Variants in SLC13A3 observed in about 807,000 individuals in gnomAD.
SLC13A3 encodes the protein Na(+)/dicarboxylate cotransporter 3.
SLC13A3 carries 40 observed loss-of-function variants against 59.0 expected under a neutral mutation model. That is an observed-to-expected ratio of 0.68 (90% confidence interval 0.53 to 0.88). The LOEUF is 0.88. Among genes scored for constraint, SLC13A3 ranks in the 40% least tolerant of loss-of-function variants. The pLI, the probability that SLC13A3 is intolerant of heterozygous loss-of-function variation, is 0.00. For synonymous variants in SLC13A3, 317 were observed against 330.3 expected, an observed-to-expected ratio of 0.96 and a Z score of 0.44; for missense variants, 699 against 783.2, an observed-to-expected ratio of 0.89 and a Z score of 1.28.
upstream of SLC13A3, among the ~76,000 whole-genome samples, chr20:46,670,923 C>A (rs1347626368): frequency 6.6e-6 from 1 of 152,064 alleles, no homozygotes; most frequent in Admixed American, 6.5e-5. Flanking sequence ...ACTTTATTTA[C>A]AAGGCAGCAG....
intron 1 of SLC13A3, among the ~76,000 whole-genome samples, chr20:46,647,440 A>T (rs753460970): frequency 2.8e-4 from 42 of 152,174 alleles, no homozygotes; most frequent in Non-Finnish European, 5.4e-4. Context: ...ATCTGTGCCC[A>T]CTAGCTAAGA....
intron 3 of SLC13A3, among the ~76,000 whole-genome samples, 187 bp from the exon 4 acceptor site, chr20:46,600,224 G>T (rs1046807540): frequency 7.1e-6 from 1 of 141,298 alleles, no homozygotes; most frequent in Non-Finnish European, 1.6e-5. Context: ...GGGAGAGAGG[G>T]GGAGGGAGGG....
At chr20:46,640,751 G>A (rs961551604) in intron 1 of SLC13A3, among the ~76,000 whole-genome samples, 1 of 152,168 alleles carries the variant, frequency 6.6e-6, no homozygotes, top group African/African-American at 2.4e-5. Context: ...ACACGTGTCT[G>A]ACTTGTTCCA....
At chr20:46,605,742 A>T (rs561341787) in intron 3 of SLC13A3, among the ~76,000 whole-genome samples, 1 of 152,240 alleles carries the variant, frequency 6.6e-6, no homozygotes, top group South Asian at 2.1e-4. Context: ...CCCACCTGTC[A>T]CTTTAGCAGG....
chr20:46,644,921 C>T (rs2062879720), intron 1 of SLC13A3, among the ~76,000 whole-genome samples: 2 of 152,206 alleles, frequency 1.3e-5, no homozygotes, highest in Admixed American at 6.5e-5. Context: ...TTCATCTTTT[C>T]TTGCTGCTGT....
chr20:46,568,580 T>C (rs1399648516), intron 10 of SLC13A3, among the ~76,000 whole-genome samples: 4 of 152,202 alleles, frequency 2.6e-5, no homozygotes, highest in Admixed American at 6.5e-5. Flanking sequence ...CTGGTACACC[T>C]GCAGTTTGTC....
intron 1 of SLC13A3, among the ~76,000 whole-genome samples, chr20:46,662,798 T>G (rs558788126): frequency 6.6e-6 from 1 of 152,344 alleles, no homozygotes; most frequent in South Asian, 2.1e-4. Context: ...GAATTTTTTC[T>G]TTGTTGTTGT....
intron 1 of SLC13A3, among the ~76,000 whole-genome samples, chr20:46,645,352 A>G (rs1440097051): frequency 6.6e-6 from 1 of 152,192 alleles, no homozygotes; most frequent in Non-Finnish European, 1.5e-5. Flanking sequence ...GGGGATTAGG[A>G]CACCGACACC....
At chr20:46,595,150 G>A (rs1182403396) in intron 5 of SLC13A3, among the ~76,000 whole-genome samples, 1 of 152,176 alleles carries the variant, frequency 6.6e-6, no homozygotes, top group East Asian at 1.9e-4. Context: ...ATGAACCTAT[G>A]CTACATCTCC....
chr20:46,563,538 C>G lies in SLC13A3; in HGVS notation c.1508G>C (p.Arg503Thr), dbSNP rs1264534889. ...AATCATCAGATACAGGGGGTGCACT[C>G]TCAGGCGGATGGCCTGGGCCAGGAA... ...PVLAELAIRL[R>T]VHPLYLMIPG... The change falls in exon 12 of 13, where the codon AGA becomes ACA. Residue 503 changes from arginine to threonine, a missense_variant. Transcript: ENST00000279027. 6.2e-6 allele frequency: 10 copies of G among 1,613,766 alleles called. No individual in the cohort carries two copies. Among genetic ancestry groups the G allele is most frequent in the Non-Finnish European group, 8.5e-6 (10 of 1,179,918 alleles).
At chr20:46,674,421 G>C (rs2063110442), upstream of SLC13A3, among the ~76,000 whole-genome samples, 1 of 152,130 alleles carries the variant, frequency 6.6e-6, no homozygotes. Context: ...TGGGTTCTGG[G>C]CCATCCCCTG....
At position 46,602,899 on chromosome 20, in the gene SLC13A3, C is replaced by A. The variant is rs897705787; in HGVS notation, c.542-2862G>T. Among the ~76,000 whole-genome samples, 3 of 152,250 alleles carry A rather than the reference C, an allele frequency of 2.0e-5. No individual in the cohort carries two copies. In the South Asian group the frequency reaches 6.2e-4, roughly 32 times the overall value. ...AGAGGATTAAAGAGTTAATCTACTG[C>A]CAGGTGTGGTGACTCACGCCTGTAA... is the stretch of plus-strand genomic sequence containing the variant. On this transcript the variant is annotated intron_variant, in intron 3 of 12. Transcript: ENST00000279027.
intron 2 of SLC13A3, among the ~76,000 whole-genome samples, chr20:46,611,606 C>G (rs1437740818): frequency 6.6e-6 from 1 of 152,180 alleles, no homozygotes; most frequent in African/African-American, 2.4e-5. Flanking sequence ...ACGCCCTCCC[C>G]TGTGTCAATT....
At chr20:46,600,286 G>GAAA (rs2062361162) in intron 3 of SLC13A3, among the ~76,000 whole-genome samples, 1 of 120,192 alleles carries the variant, frequency 8.3e-6, no homozygotes, top group African/African-American at 3.8e-5. Context: ...GAAAGGAAAG[G>GAAA]GAGGGAAAGA....
At position 46,582,617 on chromosome 20, in the gene SLC13A3, GAAGA is replaced by G. The variant is rs1410031203; in HGVS notation, c.1219+951_1219+954del. 7.1e-6 allele frequency: 7 copies of G among 983,940 alleles called. No homozygotes were observed. In the East Asian group the frequency reaches 6.9e-4, roughly 97 times the overall value. The allele number at this position is 983,940 out of a possible 1,614,324, so 61.0% of individuals were successfully genotyped here. A position where few individuals can be genotyped will look rare whatever the true frequency, so the allele number is the denominator to read the frequency against. ...GACCCCATTAAAAAAAAAAGAAGAA[GAAGA>G]AAGAAAGAACTGTTTATGGAGCTTG... On this transcript the variant is annotated intron_variant, in intron 9 of 12. Transcript: ENST00000279027.
rs2062695004 is a variant in SLC13A3 at position 46,628,052 on chromosome 20, C to CTGTT, written c.112-14331_112-14328dup. Among the ~76,000 whole-genome samples the CTGTT allele has an allele frequency of 2.6e-5, 4 of 152,318 alleles. No homozygotes were observed. In the South Asian group the frequency reaches 6.2e-4, roughly 24 times the overall value. ...TGGTCAACCTCTGCCTCTGGGCCTCCTGTTTCATGAACTCACACCAGCCAC... is the reference window on the plus strand; with the variant it reads ...TGGTCAACCTCTGCCTCTGGGCCTCCTGTTTGTTTCATGAACTCACACCAGCCAC... On this transcript the variant is annotated intron_variant, in intron 1 of 12. Transcript: ENST00000279027.
chr20:46,652,084 T>C (rs1468779970), upstream of SLC13A3, among the ~76,000 whole-genome samples: 10 of 152,126 alleles, frequency 6.6e-5, no homozygotes, highest in African/African-American at 2.4e-4. Flanking sequence ...CTGAAGCCTA[T>C]GGGAGGCTGG....
chr20:46,604,300 C>G (rs143134089), intron 3 of SLC13A3, among the ~76,000 whole-genome samples: 2 of 152,242 alleles, frequency 1.3e-5, no homozygotes, highest in African/African-American at 4.8e-5. Flanking sequence ...CCTTTTAACA[C>G]CCCCTTCCTG....
At chr20:46,620,433 G>A (rs986325484) in intron 1 of SLC13A3, among the ~76,000 whole-genome samples, 1 of 152,128 alleles carries the variant, frequency 6.6e-6, no homozygotes. Flanking sequence ...AAAAAGGATA[G>A]TTCGAAAACA....
Sources: allele counts gnomAD v4.1 joint callset (sites outside exome capture counted in the v4.1 genomes callset), GRCh38; gene constraint gnomAD v4.1.1; transcripts MANE v1.5; gene names NCBI Gene and HGNC (gene_info 2026-07-23, HGNC 2026-07-21).